PLEKHG4B: variants seen among roughly 807,000 people sequenced by gnomAD.
PLEKHG4B encodes pleckstrin homology domain-containing family G member 4B.
PLEKHG4B carries 111 observed loss-of-function variants against 121.3 expected under a neutral mutation model. That is an observed-to-expected ratio of 0.92 (90% CI 0.78 to 1.07). PLEKHG4B has a LOEUF of 1.07. Among genes scored for constraint, PLEKHG4B ranks in the 50% least tolerant of loss-of-function variants. PLEKHG4B has a pLI of 0.00. For missense variants in PLEKHG4B, 1,831 were observed against 1,757.8 expected (o/e 1.04, Z -0.74); for synonymous variants, 738 against 725.0 (o/e 1.02, Z -0.29).
intron 1 of PLEKHG4B, among the ~76,000 whole-genome samples, chr5:109,749 T>C (rs1734082444): frequency 6.6e-6 from 1 of 152,258 alleles, no homozygotes; most frequent in Non-Finnish European, 1.5e-5. Flanking sequence ...TCGGACACCG[T>C]CTTCCATTCC....
intron 8 of PLEKHG4B, 38 bp from the exon 9 acceptor site, chr5:155,307 T>G: frequency 6.5e-7 from 1 of 1,538,836 alleles, no homozygotes; most frequent in Non-Finnish European, 9.0e-7. Flanking sequence ...TTTAACAGAC[T>G]GTGTTCTTAT....
At chr5:123,559 G>A (rs1734529249) in intron 2 of PLEKHG4B, among the ~76,000 whole-genome samples, 1 of 152,062 alleles carries the variant, frequency 6.6e-6, no homozygotes, top group South Asian at 2.1e-4. Context: ...AGCAGTCATA[G>A]GTATATGCAC....
rs1453451894 is a variant in PLEKHG4B, at chr5:156,615, A to G, written c.2349-158A>G. ...GATGTTGGCAGAACGCATGGAGCAC[A>G]TCTGTGCCCCGCCTCGGTTGTGGGC... On this transcript the variant is annotated intron_variant, in intron 10 of 19. Transcript: ENST00000637938. The surrounding 1 kb of genome is among the most constrained non-coding windows in gnomAD (Gnocchi z 4.4). Among the ~76,000 whole-genome samples, 1 of 151,920 alleles carries G rather than the reference A, an allele frequency of 6.6e-6. No individual in the cohort carries two copies. Among genetic ancestry groups the G allele is most frequent in the Admixed American group, 6.6e-5 (1 of 15,258 alleles).
At chr5:92,522 G>C (rs1390828909) in intron 1 of PLEKHG4B, among the ~76,000 whole-genome samples, 3 of 128,396 alleles carry the variant, frequency 2.3e-5, no homozygotes, top group Non-Finnish European at 5.0e-5. Flanking sequence ...GCATCAAGGC[G>C]GGCGGGCGCG....
chr5:143,452 C>T lies in PLEKHG4B; in HGVS notation c.1760C>T (p.Ser587Leu), dbSNP rs760456105. ...TRSLLWTREH[S>L]SCAELTRLLL... ...AGCCTGCTCTGGACCAGGGAACACTCGTCCTGTGCTGAGCTGACCCGCCTG... is the reference window on the plus strand; with the variant it reads ...AGCCTGCTCTGGACCAGGGAACACTTGTCCTGTGCTGAGCTGACCCGCCTG... The change falls in exon 5 of 20, where the codon TCG (serine) becomes TTG (leucine). Residue 587 changes from serine (S) to leucine (L), a missense_variant. Coordinates refer to ENST00000637938, the MANE Select transcript of PLEKHG4B (RefSeq NM_052909.5). 5 of 1,612,896 alleles carry T rather than the reference C, an allele frequency of 3.1e-6. No individual in the cohort carries two copies. The highest frequency in any genetic ancestry group is 2.2e-5 in the East Asian group (1 of 44,882).
Position 189,110 on chromosome 5 carries a change from C to T in PLEKHG4B, c.*6787C>T, listed in dbSNP as rs56307835. 0.03 allele frequency: 4,599 copies of T among 152,482 alleles called. 105 individuals are homozygous for T. The highest frequency in any genetic ancestry group is 0.054 in the Middle Eastern group (16 of 296). The allele number at this position is 152,482 out of a possible 1,614,324, so 9.4% of individuals were successfully genotyped here. ...AGCATTGCCGTTCGGGGCCTGCAGTCGCCCATAATGGGCCCTGCCCCCTAG... is the reference window on the plus strand; with the variant it reads ...AGCATTGCCGTTCGGGGCCTGCAGTTGCCCATAATGGGCCCTGCCCCCTAG... On this transcript the variant is annotated 3_prime_UTR_variant, in exon 20 of 20. Transcript: ENST00000637938.
intron 2 of PLEKHG4B, among the ~76,000 whole-genome samples, chr5:135,050 A>C (rs903785890): frequency 1.3e-5 from 2 of 151,574 alleles, no homozygotes; most frequent in South Asian, 4.2e-4. Context: ...TTAGCTGGGC[A>C]TGGTGGCGGG....
chr5:169,718 T>C, intron 14 of PLEKHG4B, 126 bp downstream of exon 14: 9 of 1,388,248 alleles, frequency 6.5e-6, no homozygotes, highest in Non-Finnish European at 8.7e-6. Context: ...TAGGAGCTGG[T>C]CCTGACAGGA....
At position 100,401 on chromosome 5, in the gene PLEKHG4B, G is replaced by A. The variant is rs1250422558; in HGVS notation, c.45+8125G>A. On this transcript the variant is annotated intron_variant, in intron 1 of 19. Transcript: ENST00000637938. Reference sequence around the variant, plus strand: ...CCATATAAAGCCCTGGAAAAAGCCTGTAGGGGAGAGACTGTTGTGAGGTAA... The same window carrying A: ...CCATATAAAGCCCTGGAAAAAGCCTATAGGGGAGAGACTGTTGTGAGGTAA... Among the ~76,000 whole-genome samples, 5 of 149,996 alleles carry A rather than the reference G, an allele frequency of 3.3e-5. No homozygotes were observed. The East Asian group carries it at 5.8e-4, about 17-fold the overall frequency.
At chr5:133,357 C>T (rs1034408658) in intron 2 of PLEKHG4B, among the ~76,000 whole-genome samples, 3 of 152,102 alleles carry the variant, frequency 2.0e-5, no homozygotes, top group African/African-American at 7.2e-5. Context: ...TCGACTTCCT[C>T]TGTACTGATT....
chr5:151,638 AATTAAAC>A, intron 7 of PLEKHG4B, 39 bp downstream of exon 7: 1 of 1,353,006 alleles, frequency 7.4e-7, no homozygotes, highest in South Asian at 1.3e-5. Context: ...TGATGGATAA[AATTAAAC>A]ATTAAGGCAC....
At chr5:178,466 G>A (rs1294676767) in intron 18 of PLEKHG4B, among the ~76,000 whole-genome samples, 2 of 152,174 alleles carry the variant, frequency 1.3e-5, no homozygotes, top group Non-Finnish European at 2.9e-5. Flanking sequence ...TTATTGCAGA[G>A]TTCTGATCAT....
rs1319656291 is a variant in PLEKHG4B, at chr5:169,161, C to T, written c.3477-179C>T. 3 of 776,718 alleles carry T rather than the reference C, an allele frequency of 3.9e-6. No individual in the cohort carries two copies. In the East Asian group the frequency reaches 8.1e-5, roughly 21 times the overall value. The allele number at this position is 776,718 out of a possible 1,614,324, so 48.1% of individuals were successfully genotyped here. A position where few individuals can be genotyped will look rare whatever the true frequency, so the allele number is the denominator to read the frequency against. ...AGTCCTGGGATTACAGGCACGAGCC[C>T]CCACGCCTGGCCGGAAGCTTTTTTA... is the stretch of plus-strand genomic sequence containing the variant. On this transcript the variant is annotated intron_variant, in intron 13 of 19. Coordinates refer to ENST00000637938, the MANE Select transcript of PLEKHG4B (RefSeq NM_052909.5).
At chr5:93,547 G>T (rs1733533197) in intron 1 of PLEKHG4B, among the ~76,000 whole-genome samples, 3 of 152,118 alleles carry the variant, frequency 2.0e-5, no homozygotes, top group African/African-American at 7.2e-5. Flanking sequence ...TCACTGTGCG[G>T]CATCCGGTGT....
Position 182,101 on chromosome 5 carries a change from T to G in PLEKHG4B, c.4662T>G (p.Ser1554=). ...CCATCTCAGACAGCAGCACCTCCTCTTCTAGCAGCCAGTCCTCCTCCATCC... is the reference window on the plus strand; with the variant it reads ...CCATCTCAGACAGCAGCACCTCCTCGTCTAGCAGCCAGTCCTCCTCCATCC... ...HSTISDSSTS[S]SSSQSSSILG... Residue 1554 remains serine (S), a synonymous_variant, in exon 20 of 20, where the codon TCT becomes TCG. Transcript: ENST00000637938. The G allele has an allele frequency of 6.2e-6, 10 of 1,614,116 alleles. No homozygotes were observed. The highest frequency in any genetic ancestry group is 8.5e-6 in the Non-Finnish European group (10 of 1,180,020).
intron 11 of PLEKHG4B, among the ~76,000 whole-genome samples, chr5:158,942 C>T (rs1034795186): frequency 2.0e-5 from 3 of 152,238 alleles, no homozygotes; most frequent in Non-Finnish European, 4.4e-5. Flanking sequence ...ATTTTTGAGG[C>T]CGTGGTATCT....
intron 2 of PLEKHG4B, among the ~76,000 whole-genome samples, chr5:135,884 A>G (rs1734970870): frequency 6.6e-6 from 1 of 151,208 alleles, no homozygotes; most frequent in Non-Finnish European, 1.5e-5. Context: ...GAAGAGCTAA[A>G]AAGTTGGAGG....
At chr5:102,007 T>C (rs1417189806) in intron 1 of PLEKHG4B, among the ~76,000 whole-genome samples, 2 of 86,158 alleles carry the variant, frequency 2.3e-5, no homozygotes, top group African/African-American at 7.7e-5. Context: ...GAGACTGTTG[T>C]GAGGTTAATC....
intron 11 of PLEKHG4B, among the ~76,000 whole-genome samples, chr5:158,963 C>T (rs1735897322): frequency 6.6e-6 from 1 of 152,238 alleles, no homozygotes; most frequent in South Asian, 2.1e-4. Flanking sequence ...AAAAGCATCT[C>T]TACTCCACCT....
Sources: gnomAD v4.1 joint callset for allele counts (sites outside exome capture counted in the v4.1 genomes callset) on GRCh38, gnomAD v4.1.1 for gene constraint, Gnocchi (gnomAD v3.1) non-coding constraint, MANE v1.5 for transcripts, NCBI Gene and HGNC (gene_info 2026-07-23, HGNC 2026-07-21) for gene names.